The following SLC18B1 variants were observed in gnomAD, a reference collection of about 807,000 sequenced individuals.
The protein encoded by SLC18B1 is solute carrier family 18 member B1, also known as MFS-type transporter SLC18B1.
SLC18B1 carries 62 observed loss-of-function variants against 53.9 expected under a neutral mutation model. That is an observed-to-expected ratio of 1.15 (90% CI 0.94 to 1.42). The LOEUF (loss-of-function observed/expected upper bound fraction) is 1.42, where lower values mean the gene tolerates loss of function less well. Among genes scored for constraint, SLC18B1 ranks in the 40% most tolerant of loss-of-function variants. SLC18B1 has a pLI of 0.00. For missense variants in SLC18B1, 598 were observed against 547.3 expected, an observed-to-expected ratio of 1.09 and a Z score of -0.93; for synonymous variants, 217 against 200.9, an observed-to-expected ratio of 1.08 and a Z score of -0.68.
intron 2 of SLC18B1, among the ~76,000 whole-genome samples, chr6:132,795,306 A>G (rs911921507): frequency 1.3e-5 from 2 of 151,894 alleles, no homozygotes; most frequent in Non-Finnish European, 2.9e-5. Context: ...ATTTTTTTAT[A>G]CTACCCTAAC....
At chr6:132,792,253 A>AGAGAGAGAG (rs1781547517) in intron 2 of SLC18B1, among the ~76,000 whole-genome samples, 2 of 26,046 alleles carry the variant, frequency 7.7e-5, no homozygotes, top group East Asian at 7.2e-4. Flanking sequence ...GAAAGAAAGA[A>AGAGAGAGAG]AGAAAGAAAG....
At chr6:132,793,010 A>C (rs1421002594) in intron 2 of SLC18B1, among the ~76,000 whole-genome samples, 2 of 152,222 alleles carry the variant, frequency 1.3e-5, no homozygotes, top group Non-Finnish European at 2.9e-5. Flanking sequence ...AATCCCAGCT[A>C]CTTGGGAGAC....
Position 132,779,268 on chromosome 6 carries a change from C to T in SLC18B1, c.795G>A (p.Lys265=), listed in dbSNP as rs141376596. 3.3e-3 allele frequency: 5,302 copies of T among 1,613,730 alleles called. 15 individuals are homozygous for T. Among genetic ancestry groups the T allele is most frequent in the Non-Finnish European group, 4.2e-3 (4,984 of 1,179,734 alleles). Residue 265 remains lysine, a splice_region_variant and synonymous_variant, in exon 7 of 14, where the codon AAG becomes AAA. Coordinates refer to ENST00000275227, the MANE Select transcript of SLC18B1 (RefSeq NM_052831.3). ...DPTLSLFVLE[K]FNLPAGYVGL... ...ACTCTTCAGCAATCAGGTAACTTAC[C>T]TTCTCCAAAACAAAGAGAGACAGAG...
At position 132,779,368 on chromosome 6, in the gene SLC18B1, A is replaced by G; in HGVS notation, c.695T>C (p.Ile232Thr). ...TATAAGGCCAACTTTGGGTAAAGCG[A>G]TCAGTTTCCAGAATGAGTGTTCACC... ...DPGEHSFWKL[I>T]ALPKVGLIAF... The change falls in exon 7 of 14, where the codon ATC becomes ACC. Residue 232 changes from isoleucine (I) to threonine (T), a missense_variant. By Grantham distance (89) the Ile-to-Thr change is moderately conservative (BLOSUM62 -1). Transcript: ENST00000275227. 6.2e-7 allele frequency: 1 copy of G among 1,613,796 alleles called. No individual in the cohort carries two copies. The highest frequency in any genetic ancestry group is 1.3e-5 in the African/African-American group (1 of 75,038).
intron 2 of SLC18B1, among the ~76,000 whole-genome samples, chr6:132,792,147 G>A (rs1282628991): frequency 2.0e-5 from 3 of 150,722 alleles, no homozygotes; most frequent in Non-Finnish European, 2.9e-5. Flanking sequence ...ACAATCACTT[G>A]AACCCAGGAG....
Position 132,774,222 on chromosome 6 carries a change from C to A in SLC18B1, c.989G>T (p.Ser330Ile), listed in dbSNP as rs1781045526. 1 of 1,583,412 alleles carries A rather than the reference C, an allele frequency of 6.3e-7. No individual in the cohort carries two copies. The highest frequency in any genetic ancestry group is 8.6e-7 in the Non-Finnish European group (1 of 1,166,606). ...LGPVPILHIK[S>I]QLWLLVLILV... ...ACATACAGAAGAAGAAAAAAATTAC[C>A]TTTTAATATGCAAGATTGGGACAGG... The change falls in exon 9 of 14, where the codon AGT becomes ATT. Residue 330 changes from serine to isoleucine, a missense_variant and splice_region_variant. Transcript: ENST00000275227.
intron 5 of SLC18B1, among the ~76,000 whole-genome samples, chr6:132,786,398 AT>A (rs1409374149): frequency 1.3e-5 from 2 of 151,758 alleles, no homozygotes; most frequent in Non-Finnish European, 2.9e-5. Context: ...ACAAAAAAAA[AT>A]GTAGCCGGGT....
chr6:132,777,861 A>G (rs1781138073), intron 7 of SLC18B1, among the ~76,000 whole-genome samples: 1 of 152,244 alleles, frequency 6.6e-6, no homozygotes, highest in Non-Finnish European at 1.5e-5. Flanking sequence ...ATCTAAATGG[A>G]CTGTGTCAGT....
chr6:132,776,695 T>G (rs1781108886), intron 7 of SLC18B1, among the ~76,000 whole-genome samples: 1 of 152,244 alleles, frequency 6.6e-6, no homozygotes, highest in Non-Finnish European at 1.5e-5. Context: ...CAGAGCATTT[T>G]TATATGTAAA....
chr6:132,798,352 A>G (rs575950716), intron 1 of SLC18B1, 62 bp downstream of exon 1: 1,006 of 1,474,404 alleles, frequency 6.8e-4, no homozygotes, highest in Non-Finnish European at 8.1e-4. Context: ...AATCGTTGCT[A>G]AAGAGACACG....
intron 2 of SLC18B1, 79 bp from the exon 3 acceptor site, chr6:132,790,351 C>T: frequency 1.0e-6 from 1 of 974,908 alleles, no homozygotes; most frequent in Non-Finnish European, 1.5e-6. Context: ...TAGATCAGGG[C>T]ATCATCTTCT....
rs761309493 is a variant in SLC18B1, at chr6:132,779,394, T to C, written c.669A>G (p.Pro223=). The change falls in exon 7 of 14, where the codon CCA becomes CCG. Residue 223 remains proline (P), a synonymous_variant. Coordinates refer to ENST00000275227, the MANE Select transcript of SLC18B1 (RefSeq NM_052831.3). ...MYILPNYESD[P]GEHSFWKLIA... The stretch of plus-strand genomic sequence containing the variant: ...TCAGTTTCCAGAATGAGTGTTCACC[T>C]GGATCAGACTCTTTAGGGAAAAAAT... The C allele has an allele frequency of 1.2e-6, 2 of 1,600,442 alleles. No individual in the cohort carries two copies. The highest frequency in any genetic ancestry group is 2.7e-5 in the African/African-American group (2 of 74,614).
rs547820020 is a variant in SLC18B1 at position 132,770,848 on chromosome 6, T to A, written c.1304+42A>T. The stretch of plus-strand genomic sequence containing the variant: ...TTATTTATTTTCCACTTGCACTGGC[T>A]AACTTTTAAAGAGAGAAAAAAAGCC... On this transcript the variant is annotated intron_variant, in intron 13 of 13. Transcript: ENST00000275227. The A allele has an allele frequency of 3.2e-6, 5 of 1,559,748 alleles. No individual in the cohort carries two copies. The East Asian group carries it at 1.1e-4, about 35-fold the overall frequency.
At chr6:132,774,665 T>G (rs1287210065) in intron 8 of SLC18B1, among the ~76,000 whole-genome samples, 3 of 151,980 alleles carry the variant, frequency 2.0e-5, no homozygotes, top group African/African-American at 7.3e-5. Context: ...TCCCAAAACT[T>G]TGAGAGGCCG....
At chr6:132,792,854 C>T (rs1781584502) in intron 2 of SLC18B1, among the ~76,000 whole-genome samples, 1 of 152,188 alleles carries the variant, frequency 6.6e-6, no homozygotes, top group Admixed American at 6.5e-5. Flanking sequence ...CACAGTGGCT[C>T]ACTCCTGTAA....
At chr6:132,780,976 A>T (rs1392050798) in intron 6 of SLC18B1, among the ~76,000 whole-genome samples, 1 of 152,162 alleles carries the variant, frequency 6.6e-6, no homozygotes, top group Non-Finnish European at 1.5e-5. Context: ...GAGGAGAAAC[A>T]CCACTGTGTG....
chr6:132,772,477 T>A (rs956105018), intron 10 of SLC18B1, among the ~76,000 whole-genome samples: 1 of 152,122 alleles, frequency 6.6e-6, no homozygotes, highest in Non-Finnish European at 1.5e-5. Flanking sequence ...TAAAAATATA[T>A]AATTAAGAAA....
At chr6:132,777,529 C>T (rs544047981) in intron 7 of SLC18B1, among the ~76,000 whole-genome samples, 57 of 152,114 alleles carry the variant, frequency 3.7e-4, no homozygotes, top group Non-Finnish European at 6.8e-4. Context: ...CTGGCTAACA[C>T]GGTGAAACCT....
chr6:132,777,646 G>A (rs1781131965), intron 7 of SLC18B1, among the ~76,000 whole-genome samples: 1 of 152,198 alleles, frequency 6.6e-6, no homozygotes, highest in Non-Finnish European at 1.5e-5. Flanking sequence ...CCTGGGAGGA[G>A]GAGGTTGCAG....
Sources: gnomAD v4.1 joint callset for allele counts (sites outside exome capture counted in the v4.1 genomes callset) on GRCh38, gnomAD v4.1.1 for gene constraint, MANE v1.5 for transcripts, NCBI Gene and HGNC (gene_info 2026-07-23, HGNC 2026-07-21) for gene names.